The following ZIM2 variants were observed in gnomAD, a reference collection of about 807,000 sequenced individuals.
ZIM2 encodes zinc finger protein 656.
A neutral mutation model predicts 38.6 loss-of-function variants in ZIM2; 14 were observed. The observed-to-expected ratio is 0.36, with a 90% CI of 0.24 to 0.57. The LOEUF is 0.57. Ranked by LOEUF, ZIM2 falls within the 20% of genes least tolerant of loss-of-function variation. The pLI is 0.81. For synonymous variants in ZIM2, 247 were observed against 245.8 expected (o/e 1.00, Z -0.04); for missense variants, 680 against 695.1 (o/e 0.98, Z 0.24).
chr19:56,829,656 C>G (rs1040545299), intron 2 of ZIM2, among the ~76,000 whole-genome samples: 4 of 152,242 alleles, frequency 2.6e-5, no homozygotes. Context: ...ATGAGGTTAG[C>G]TGCCTTCCTG....
At chr19:56,830,140 G>A (rs947550732) in intron 2 of ZIM2, among the ~76,000 whole-genome samples, 5 of 152,184 alleles carry the variant, frequency 3.3e-5, no homozygotes, top group Admixed American at 6.5e-5. Flanking sequence ...ATACCCTACC[G>A]CAAGGCTCCA....
chr19:56,790,713 G>A (rs1037453224), intron 9 of ZIM2, among the ~76,000 whole-genome samples: 19 of 152,150 alleles, frequency 1.2e-4, no homozygotes, highest in Non-Finnish European at 1.6e-4. Context: ...CTTCGTCACA[G>A]ATATGTATGT....
Position 56,789,872 on chromosome 19 carries a change from C to T in ZIM2, c.570G>A (p.Gln190=). 6.4e-7 allele frequency: 1 copy of T among 1,572,104 alleles called. No individual in the cohort carries two copies. Among genetic ancestry groups the T allele is most frequent in the African/African-American group, 1.3e-5 (1 of 74,548 alleles). ...CATGTCAGAGGAAAGCCTGACTCACCTGGGACCCAGCAGATGGCAGATTGT... is the reference window on the plus strand; with the variant it reads ...CATGTCAGAGGAAAGCCTGACTCACTTGGGACCCAGCAGATGGCAGATTGT... ...MLDNLPSAGS[Q]FPDFKHLGTF... The change falls in exon 10 of 13, where the codon CAG becomes CAA. Residue 190 remains glutamine, a splice_region_variant and synonymous_variant. Transcript: ENST00000629319.
At chr19:56,820,294 C>A (rs2060355500) in intron 7 of ZIM2, among the ~76,000 whole-genome samples, 1 of 152,216 alleles carries the variant, frequency 6.6e-6, no homozygotes, top group African/African-American at 2.4e-5. Context: ...TTGTGTACAC[C>A]TTCAAAATGT....
rs1275415577 is a variant in ZIM2, at chr19:56,822,742, T to A, written c.190+11A>T. On this transcript the variant is annotated intron_variant, in intron 6 of 12. Coordinates refer to ENST00000629319, the MANE Select transcript of ZIM2 (RefSeq NM_001387356.1). ...TATCTCCTACTGGGAAAGAAAGTGG[T>A]TAAGACTCACTGCTTCTTGGGTTCC... 7.4e-6 allele frequency: 12 copies of A among 1,613,632 alleles called. No homozygotes were observed. The highest frequency in any genetic ancestry group is 1.0e-5 in the Non-Finnish European group (12 of 1,179,934).
At chr19:56,779,331 T>G (rs765953955) in intron 12 of ZIM2, 46 bp downstream of exon 12, 1 of 1,601,138 alleles carries the variant, frequency 6.2e-7, no homozygotes, top group Non-Finnish European at 8.5e-7. Context: ...GACTAGCATT[T>G]ACTGGTTCCC....
intron 9 of ZIM2, chr19:56,817,362 C>G (rs761993957): frequency 6.2e-7 from 1 of 1,614,068 alleles, no homozygotes. Flanking sequence ...GCTGCTGGAT[C>G]ACTGACTCCC....
intron 9 of ZIM2, chr19:56,812,473 G>A (rs572040017): frequency 5.1e-6 from 5 of 984,224 alleles, no homozygotes; most frequent in East Asian, 1.1e-4. Context: ...GATAAATAAC[G>A]AAGAGAATTA....
chr19:56,817,881 A>T (rs752105552), intron 8 of ZIM2, 43 bp from the exon 9 acceptor site: 9 of 1,447,558 alleles, frequency 6.2e-6, no homozygotes, highest in Non-Finnish European at 8.7e-6. Flanking sequence ...CAAGTTGAGG[A>T]CCAAGACTCA....
intron 10 of ZIM2, among the ~76,000 whole-genome samples, chr19:56,783,279 C>T (rs992053817): frequency 6.6e-6 from 1 of 151,988 alleles, no homozygotes; most frequent in Non-Finnish European, 1.5e-5. Context: ...TCTTAGTAGC[C>T]TAAGGTTGAA....
chr19:56,811,815 G>A (rs773857198), intron 9 of ZIM2: 5 of 985,196 alleles, frequency 5.1e-6, no homozygotes, highest in Non-Finnish European at 4.8e-6. Context: ...AGGACACCCC[G>A]CTCAATTCAT....
At chr19:56,797,940 T>C (rs1031213324) in intron 9 of ZIM2, 1 of 152,146 alleles carries the variant, frequency 6.6e-6, no homozygotes, top group Non-Finnish European at 1.5e-5. Flanking sequence ...TGCTACAGAG[T>C]TAAGTAGAAT....
At chr19:56,808,431 C>G (rs1488889292) in intron 9 of ZIM2, among the ~76,000 whole-genome samples, 1 of 152,114 alleles carries the variant, frequency 6.6e-6, no homozygotes, top group East Asian at 1.9e-4. Context: ...TCCTGAGAGG[C>G]TGGTGGGCAG....
intron 8 of ZIM2, among the ~76,000 whole-genome samples, chr19:56,818,368 C>T (rs1252359890): frequency 6.6e-6 from 1 of 152,208 alleles, no homozygotes; most frequent in Non-Finnish European, 1.5e-5. Flanking sequence ...CAAGAAGCAT[C>T]TCCCTGCTTG....
chr19:56,832,326 C>G (rs138563399), intron 2 of ZIM2, among the ~76,000 whole-genome samples: 1 of 152,146 alleles, frequency 6.6e-6, no homozygotes, highest in Non-Finnish European at 1.5e-5. Context: ...GCACTCCCAC[C>G]GACAGTACCC....
At chr19:56,821,906 G>C (rs2060526226) in intron 6 of ZIM2, 152 bp from the exon 7 acceptor site, 1 of 814,300 alleles carries the variant, frequency 1.2e-6, no homozygotes, top group Admixed American at 2.4e-5. Context: ...CCTCTGAGGA[G>C]TCCCATAAAA....
Position 56,789,939 on chromosome 19 carries a change from T to C in ZIM2, c.503A>G (p.Gln168Arg). The C allele has an allele frequency of 1.3e-6, 2 of 1,563,450 alleles. No individual in the cohort carries two copies. The highest frequency in any genetic ancestry group is 1.7e-6 in the Non-Finnish European group (2 of 1,145,672). The stretch of plus-strand genomic sequence containing the variant: ...CCTCTTTTCTGCAGGGACAGAGTCC[T>C]GAGCAAGGAAACCTAGAAGGGAGAG... ...YPSTSRGFLA[Q>R]DSVPAEKRNT... Residue 168 changes from glutamine (Q) to arginine (R), a missense_variant, in exon 10 of 13, where the codon CAG becomes CGG. By Grantham distance (43) the Gln-to-Arg change is conservative (BLOSUM62 1). Coordinates refer to ENST00000629319, the MANE Select transcript of ZIM2 (RefSeq NM_001387356.1).
intron 9 of ZIM2, chr19:56,816,534 G>C (rs1281872217): frequency 1.9e-6 from 3 of 1,613,614 alleles, no homozygotes; most frequent in South Asian, 1.1e-5. Context: ...AGCTATGAAG[G>C]AAAGTCTCCC....
chr19:56,822,699 T>C (rs770211012), intron 6 of ZIM2, 54 bp downstream of exon 6: 2 of 1,603,096 alleles, frequency 1.2e-6, no homozygotes, highest in Admixed American at 3.4e-5. Context: ...CTTGAACCTG[T>C]GCACAGCACA....
Sources: allele counts gnomAD v4.1 joint callset (sites outside exome capture counted in the v4.1 genomes callset), GRCh38; gene constraint gnomAD v4.1.1; transcripts MANE v1.5; gene names NCBI Gene and HGNC (gene_info 2026-07-23, HGNC 2026-07-21).